NFIB: variants seen among roughly 807,000 people sequenced by gnomAD.
The protein encoded by NFIB is nuclear factor I B, also known as nuclear factor 1 B-type.
Under a neutral mutation model 61.5 loss-of-function variants are expected in NFIB, and 11 were observed. The observed-to-expected ratio is 0.18, with a 90% CI of 0.11 to 0.30. The LOEUF is 0.30. Ranked by LOEUF, NFIB falls within the 10% of genes least tolerant of loss-of-function variation. The pLI, the probability that NFIB is intolerant of heterozygous loss-of-function variation, is 1.00. For synonymous variants in NFIB, 260 were observed against 216.5 expected, an observed-to-expected ratio of 1.20 and a Z score of -1.76; for missense variants, 471 against 608.9, an observed-to-expected ratio of 0.77 and a Z score of 2.38.
intron 2 of NFIB, among the ~76,000 whole-genome samples, chr9:14,287,854 G>A (rs1334895236): frequency 1.3e-5 from 2 of 152,070 alleles, no homozygotes; most frequent in African/African-American, 2.4e-5. Context: ...CACTAGATCA[G>A]CCCATTGCTT....
At chr9:14,462,864 T>C in the NFIB span, among the ~76,000 whole-genome samples, 6 of 152,224 alleles carry the variant, frequency 3.9e-5, no homozygotes, top group Non-Finnish European at 5.9e-5. Flanking sequence ...ATGCTGTTAG[T>C]TATTAACATG....
At chr9:14,257,760 A>G (rs1374666166) in intron 2 of NFIB, among the ~76,000 whole-genome samples, 7 of 152,178 alleles carry the variant, frequency 4.6e-5, no homozygotes, top group African/African-American at 1.7e-4. Context: ...CATCTCAAAA[A>G]AGAAAAAAAA....
rs375736787 is a variant in NFIB, at chr9:14,175,163, A to ATTTTTTTTTTTTTTTTTTTTTTTTTTTT, written c.616+4563_616+4564insAAAAAAAAAAAAAAAAAAAAAAAAAAAA. Among the ~76,000 whole-genome samples, 10 of 102,106 alleles carry ATTTTTTTTTTTTTTTTTTTTTTTTTTTT rather than the reference A, an allele frequency of 9.8e-5. 4 individuals are homozygous for ATTTTTTTTTTTTTTTTTTTTTTTTTTTT. The highest frequency in any genetic ancestry group is 7.5e-5 in the Non-Finnish European group (4 of 53,090). The allele number at this position is 102,106 out of a possible 152,430, so 67.0% of individuals were successfully genotyped here. A position where few individuals can be genotyped will look rare whatever the true frequency, so the allele number is the denominator to read the frequency against. ...TCTCAAAATTTTTATGACTTAAAGA[A>ATTTTTTTTTTTTTTTTTTTTTTTTTTTT]TTTCTTTTTTTTTTTTTTTTTTTTG... On this transcript the variant is annotated intron_variant, in intron 3 of 10. Coordinates refer to ENST00000380953, the MANE Select transcript of NFIB (RefSeq NM_001190737.2).
At chr9:14,248,373 T>C (rs2055184889) in intron 2 of NFIB, among the ~76,000 whole-genome samples, 1 of 148,284 alleles carries the variant, frequency 6.7e-6, no homozygotes. Context: ...CAGGCTCAAG[T>C]GATCCTCCCA....
intron 2 of NFIB, among the ~76,000 whole-genome samples, chr9:14,207,945 T>C (rs1049028490): frequency 6.6e-6 from 1 of 152,124 alleles, no homozygotes; most frequent in Non-Finnish European, 1.5e-5. Context: ...ATTTCCTTGG[T>C]TGAATTTAGG....
intron 6 of NFIB, among the ~76,000 whole-genome samples, chr9:14,137,883 G>T (rs2041247983): frequency 6.6e-6 from 1 of 152,056 alleles, no homozygotes; most frequent in Non-Finnish European, 1.5e-5. Context: ...CTACATGCAT[G>T]AATCTCTAAG....
At chr9:14,185,030 T>C in intron 2 of NFIB, among the ~76,000 whole-genome samples, 1 of 152,172 alleles carries the variant, frequency 6.6e-6, no homozygotes, top group Non-Finnish European at 1.5e-5. Flanking sequence ...AGGTGCTCTG[T>C]AATGCTTATT....
chr9:14,416,892 C>CTTTTTTTT, the NFIB span, among the ~76,000 whole-genome samples: 8,260 of 126,260 alleles, frequency 0.065, 677 homozygotes, highest in African/African-American at 0.18. Context: ...ACTATTTTTA[C>CTTTTTTTT]TTTTTTTTTT....
chr9:14,107,201 G>A (rs1331549674), intron 10 of NFIB, among the ~76,000 whole-genome samples: 1 of 151,738 alleles, frequency 6.6e-6, no homozygotes, highest in African/African-American at 2.4e-5. Flanking sequence ...TTACCTACAT[G>A]GAGCAAATTA....
intron 1 of NFIB, among the ~76,000 whole-genome samples, chr9:14,336,618 A>G (rs966935316): frequency 1.3e-5 from 2 of 152,214 alleles, no homozygotes; most frequent in Non-Finnish European, 2.9e-5. Flanking sequence ...CCTTTTCTGT[A>G]AAGGACTAGA....
At chr9:14,285,149 G>A (rs2058627757) in intron 2 of NFIB, among the ~76,000 whole-genome samples, 1 of 152,152 alleles carries the variant, frequency 6.6e-6, no homozygotes, top group South Asian at 2.1e-4. Flanking sequence ...TTGAGACAGA[G>A]TCTTGCACTG....
chr9:14,516,330 T>TA, the NFIB span, among the ~76,000 whole-genome samples: 2 of 152,258 alleles, frequency 1.3e-5, no homozygotes, highest in African/African-American at 2.4e-5. Flanking sequence ...GTGTGGGCTT[T>TA]ATGGGATTTC....
intron 3 of NFIB, among the ~76,000 whole-genome samples, chr9:14,161,500 C>T (rs1212071649): frequency 6.6e-6 from 1 of 150,798 alleles, no homozygotes; most frequent in South Asian, 2.1e-4. Flanking sequence ...AAACTTTTTC[C>T]GCATATATAT....
Position 14,097,875 on chromosome 9 carries a change from C to CTTTTTTTT in NFIB, c.1468-9557_1468-9550dup, listed in dbSNP as rs71321962. 5.9e-3 allele frequency among the ~76,000 whole-genome samples: 654 copies of CTTTTTTTT among 110,784 alleles called. 25 individuals are homozygous for CTTTTTTTT. Among genetic ancestry groups the CTTTTTTTT allele is most frequent in the African/African-American group, 9.2e-3 (272 of 29,466 alleles). The allele number at this position is 110,784 out of a possible 152,430, so 72.7% of individuals were successfully genotyped here. ...CTTTTTTTTTCTTTCTTTCTTTTTTCTTTTTTTTTTTTTTTTTTGCCCTCC... is the reference window on the plus strand; with the variant it reads ...CTTTTTTTTTCTTTCTTTCTTTTTTCTTTTTTTTTTTTTTTTTTTTTTTTTTGCCCTCC... On this transcript the variant is annotated intron_variant, in intron 10 of 10. Transcript: ENST00000380953.
At chr9:14,192,079 C>A (rs2048009108) in intron 2 of NFIB, among the ~76,000 whole-genome samples, 1 of 152,316 alleles carries the variant, frequency 6.6e-6, no homozygotes, top group African/African-American at 2.4e-5. Flanking sequence ...TCATCCAATT[C>A]TTTGTCAGAG....
In NFIB at chr9:14,105,058, T is replaced by A. The variant is rs151087634; in HGVS notation, c.1467+7941A>T. Among the ~76,000 whole-genome samples the A allele has an allele frequency of 5.9e-5, 9 of 152,254 alleles. No homozygotes were observed. The East Asian group carries it at 1.7e-3, about 29-fold the overall frequency. ...AAGGATGTGTTGTAAATGAGTTAGTTTTTTTGTTGTTAATGTTGCTAATAT... is the reference window on the plus strand; with the variant it reads ...AAGGATGTGTTGTAAATGAGTTAGTATTTTTGTTGTTAATGTTGCTAATAT... On this transcript the variant is annotated intron_variant, in intron 10 of 10. Coordinates refer to ENST00000380953, the MANE Select transcript of NFIB (RefSeq NM_001190737.2).
chr9:14,361,297 C>T (rs996630860), intron 1 of NFIB: 161 of 150,392 alleles, frequency 1.1e-3, no homozygotes, highest in African/African-American at 3.7e-3. Flanking sequence ...TTGAGGATTG[C>T]TTTTTGCTAA....
intron 2 of NFIB, chr9:14,204,632 C>A: frequency 1.5e-6 from 1 of 685,558 alleles, no homozygotes; most frequent in Non-Finnish European, 2.6e-6. Flanking sequence ...GGGGACCTCC[C>A]CACTAAGAAC....
chr9:14,127,510 T>C (rs1054102929), intron 6 of NFIB, among the ~76,000 whole-genome samples: 3 of 152,176 alleles, frequency 2.0e-5, no homozygotes, highest in African/African-American at 7.2e-5. Context: ...ATCCCAGATA[T>C]CATATAACTT....
Sources: gnomAD v4.1 joint callset for allele counts (sites outside exome capture counted in the v4.1 genomes callset) on GRCh38, gnomAD v4.1.1 for gene constraint, MANE v1.5 for transcripts, NCBI Gene and HGNC (gene_info 2026-07-23, HGNC 2026-07-21) for gene names.